The following SERINC2 variants were observed in gnomAD, a reference collection of about 807,000 sequenced individuals.
SERINC2 encodes tumor differentially expressed protein 2.
A neutral mutation model predicts 54.2 loss-of-function variants in SERINC2; 56 were observed. The ratio of observed to expected loss-of-function variants is 1.03; its 90% CI spans 0.83 to 1.29. The LOEUF is 1.29. SERINC2 is among the 50% of genes most tolerant of loss of function. The pLI is 0.00. For synonymous variants in SERINC2, 272 were observed against 253.1 expected (o/e 1.07, Z -0.71); for missense variants, 614 against 607.4 (o/e 1.01, Z -0.12).
chr1:31,431,900 TGGA>T (rs2148528718), intron 8 of SERINC2, among the ~76,000 whole-genome samples: 3 of 145,108 alleles, frequency 2.1e-5, no homozygotes, highest in Non-Finnish European at 4.6e-5. Flanking sequence ...GTGGATAGGG[TGGA>T]TAGGGTGGAT....
chr1:31,425,537 C>T (rs1471248036), intron 4 of SERINC2, 128 bp downstream of exon 4: 3 of 896,116 alleles, frequency 3.3e-6, no homozygotes, highest in Admixed American at 1.8e-5. Flanking sequence ...GGTCCTCGCT[C>T]CCCACCCGTG....
intron 8 of SERINC2, among the ~76,000 whole-genome samples, chr1:31,431,819 TGGATAGGGTGGA>T (rs1641228357): frequency 1.5e-5 from 2 of 130,908 alleles, no homozygotes; most frequent in South Asian, 2.5e-4. Flanking sequence ...GTGGACAGGG[TGGATAGGGTGGA>T]TAGGGTGGAT....
chr1:31,415,834 C>T (rs1455047335), intron 1 of SERINC2: 12 of 984,566 alleles, frequency 1.2e-5, no homozygotes, highest in Non-Finnish European at 1.4e-5. Flanking sequence ...ATTTTTGTAT[C>T]CTCCCAGGTG....
chr1:31,418,717 T>C (rs1640838695), intron 1 of SERINC2, among the ~76,000 whole-genome samples: 1 of 152,174 alleles, frequency 6.6e-6, no homozygotes, highest in African/African-American at 2.4e-5. Context: ...AGCCCTCAGC[T>C]GCCTCCCTTA....
intron 8 of SERINC2, among the ~76,000 whole-genome samples, chr1:31,432,516 G>A (rs1553134863): frequency 6.6e-6 from 1 of 152,058 alleles, no homozygotes; most frequent in Non-Finnish European, 1.5e-5. Context: ...AATGGCAAAT[G>A]AGCGTGATTA....
At chr1:31,416,267 CAT>C (rs2148512160) in intron 1 of SERINC2, among the ~76,000 whole-genome samples, 1 of 152,314 alleles carries the variant, frequency 6.6e-6, no homozygotes, top group South Asian at 2.1e-4. Context: ...CACAGTAGTA[CAT>C]GACTCAAGAC....
chr1:31,430,956 C>T (rs1570061651), intron 8 of SERINC2, among the ~76,000 whole-genome samples: 1 of 152,194 alleles, frequency 6.6e-6, no homozygotes, highest in East Asian at 1.9e-4. Context: ...AAAGCTCTTT[C>T]ACATTTTCTT....
intron 9 of SERINC2, among the ~76,000 whole-genome samples, chr1:31,433,573 T>C (rs1323391854): frequency 2.0e-5 from 3 of 152,108 alleles, no homozygotes; most frequent in African/African-American, 7.2e-5. Flanking sequence ...GGTCTGGGGC[T>C]GGGATTGTGG....
At chr1:31,419,991 A>G (rs1640867676) in intron 1 of SERINC2, among the ~76,000 whole-genome samples, 1 of 147,762 alleles carries the variant, frequency 6.8e-6, no homozygotes, top group African/African-American at 2.5e-5. Context: ...CTTGGGTGAC[A>G]GAACGAGATC....
At chr1:31,415,089 A>G (rs1172939203) in intron 1 of SERINC2, among the ~76,000 whole-genome samples, 1 of 152,200 alleles carries the variant, frequency 6.6e-6, no homozygotes, top group East Asian at 1.9e-4. Context: ...TTTACAGATG[A>G]GAAGACTGCC....
rs939923033 is a variant in SERINC2 at position 31,432,862 on chromosome 1, C to G, written c.1014-105C>G. The G allele has an allele frequency of 2.9e-5, 24 of 825,620 alleles. 1 individual carries two copies. The highest frequency in any genetic ancestry group is 2.9e-4 in the African/African-American group (17 of 59,358). The allele number at this position is 825,620 out of a possible 1,614,324, so 51.1% of individuals were successfully genotyped here. On this transcript the variant is annotated intron_variant, in intron 8 of 9. Coordinates refer to ENST00000373709, the MANE Select transcript of SERINC2 (RefSeq NM_178865.5). ...CAAAGCAGTTTGTTAACTCCCAGGC[C>G]CAGTAACCGGGTCGCTGGCCTCTGA...
chr1:31,413,326 C>A lies in SERINC2; in HGVS notation c.39+22C>A. Reference sequence around the variant, plus strand: ...CTGCGTGAGTCCCGACCCCGGCGCCCGCCCGCGCGCGCCGCCCGTTCCTGC... The same window carrying A: ...CTGCGTGAGTCCCGACCCCGGCGCCAGCCCGCGCGCGCCGCCCGTTCCTGC... On this transcript the variant is annotated intron_variant, in intron 1 of 9. Transcript: ENST00000373709. The surrounding 1 kb of genome is among the most constrained non-coding windows in gnomAD (Gnocchi z 5.0). The A allele has an allele frequency of 1.6e-6, 2 of 1,223,340 alleles. No homozygotes were observed. The highest frequency in any genetic ancestry group is 4.1e-5 in the Admixed American group (1 of 24,640). 75.8% of individuals were successfully genotyped at this position (1,223,340 alleles called of 1,614,324 possible).
chr1:31,415,333 G>A (rs1159912764), intron 1 of SERINC2, among the ~76,000 whole-genome samples: 1 of 152,148 alleles, frequency 6.6e-6, no homozygotes, highest in Non-Finnish European at 1.5e-5. Context: ...ATCCCCTTGG[G>A]GTTCTGGCCT....
rs1641136564 is a variant in SERINC2, at chr1:31,429,479, G to A, written c.954G>A (p.Trp318Ter). The change falls in exon 8 of 10, where the codon TGG becomes TGA. Residue 318 changes from tryptophan to a stop codon, truncating the protein, a stop_gained. Coordinates refer to ENST00000373709, the MANE Select transcript of SERINC2 (RefSeq NM_178865.5). LOFTEE classifies it high-confidence loss of function. ...VAGPEGYETQ[W>*]WDAPSIVGLI... is the part of the protein sequence containing the mutation. ...GCCCCGAGGGCTATGAGACCCAGTG[G>A]TGGGATGCCCCGAGCATTGTGGGCC... The A allele has an allele frequency of 1.2e-6, 2 of 1,613,786 alleles. No individual in the cohort carries two copies. Among genetic ancestry groups the A allele is most frequent in the Admixed American group, 1.7e-5 (1 of 59,960 alleles).
chr1:31,428,900 C>T, intron 6 of SERINC2, 78 bp from the exon 7 acceptor site: 2 of 1,007,578 alleles, frequency 2.0e-6, no homozygotes, highest in African/African-American at 2.2e-5. Flanking sequence ...TCTGAGGTCC[C>T]TTGGCTGGTG....
At chr1:31,424,939 GT>G in intron 3 of SERINC2, 66 bp downstream of exon 3, 1 of 1,388,326 alleles carries the variant, frequency 7.2e-7, no homozygotes, top group Non-Finnish European at 9.9e-7. Context: ...TCCTCTGCCT[GT>G]CCAGGGATCT....
At position 31,426,771 on chromosome 1, in the gene SERINC2, A is replaced by G. The variant is rs1311774685; in HGVS notation, c.728A>G (p.Asn243Ser). The G allele has an allele frequency of 1.9e-6, 3 of 1,613,814 alleles. No individual in the cohort carries two copies. The highest frequency in any genetic ancestry group is 2.2e-5 in the East Asian group (1 of 44,888). Reference sequence around the variant, plus strand: ...GAGGGCAAGGTCTTCATCAGCCTCAACCTCACCTTCTGTGTCTGCGTGTCC... The same window carrying G: ...GAGGGCAAGGTCTTCATCAGCCTCAGCCTCACCTTCTGTGTCTGCGTGTCC... ...CHEGKVFISL[N>S]LTFCVCVSIA... The change falls in exon 6 of 10, where the codon AAC becomes AGC. Residue 243 changes from asparagine to serine, a missense_variant. Physicochemically the swap from Asn to Ser is conservative, Grantham distance 46 (BLOSUM62 1). Coordinates refer to ENST00000373709, the MANE Select transcript of SERINC2 (RefSeq NM_178865.5).
chr1:31,414,156 C>T, intron 1 of SERINC2: 1 of 1,410,534 alleles, frequency 7.1e-7, no homozygotes, highest in African/African-American at 1.5e-5. Flanking sequence ...TGCCCGGTCG[C>T]GGGTTCGGGA....
rs138793452 is a variant in SERINC2 at position 31,423,764 on chromosome 1, G to C, written c.111G>C (p.Val37=). Residue 37 remains valine (V), a synonymous_variant, in exon 2 of 10, where the codon GTG becomes GTC. Transcript: ENST00000373709. ...GCCCCGCCAGCCGCAACTCCACCGTGAGCCGCCTCATCTTCACGTTCTTCC... is the reference window on the plus strand; with the variant it reads ...GCCCCGCCAGCCGCAACTCCACCGTCAGCCGCCTCATCTTCACGTTCTTCC... ...SCCPASRNST[V]SRLIFTFFLF... is the part of the protein sequence containing the mutation. 1.9e-6 allele frequency: 3 copies of C among 1,613,658 alleles called. No individual in the cohort carries two copies. The African/African-American group carries it at 4.0e-5, about 22-fold the overall frequency.
Sources: allele counts gnomAD v4.1 joint callset (sites outside exome capture counted in the v4.1 genomes callset), GRCh38; gene constraint gnomAD v4.1.1; non-coding constraint Gnocchi (gnomAD v3.1); transcripts MANE v1.5; gene names NCBI Gene and HGNC (gene_info 2026-07-23, HGNC 2026-07-21).